ERBB4: variants seen among roughly 807,000 people sequenced by gnomAD.
The protein encoded by ERBB4 is receptor tyrosine-protein kinase erbB-4.
A neutral mutation model predicts 158.0 loss-of-function variants in ERBB4; 42 were observed. The ratio of observed to expected loss-of-function variants is 0.27; its 90% CI spans 0.21 to 0.34. The LOEUF is 0.34. Ranked by LOEUF, ERBB4 falls within the 10% of genes least tolerant of loss-of-function variation. The probability of loss-of-function intolerance (pLI) is 1.00; values close to 1 mark genes in which losing one functional copy is unlikely to be tolerated. For synonymous variants in ERBB4, 583 were observed against 558.7 expected (o/e 1.04, Z -0.61); for missense variants, 1,333 against 1,624.1 (o/e 0.82, Z 3.08).
chr2:212,102,426 A>C (rs563795053), intron 2 of ERBB4, among the ~76,000 whole-genome samples: 1 of 151,966 alleles, frequency 6.6e-6, no homozygotes, highest in Non-Finnish European at 1.5e-5. Flanking sequence ...TCATTTGTTG[A>C]TCATTTTCAT....
intron 3 of ERBB4, among the ~76,000 whole-genome samples, chr2:211,817,454 A>G (rs2076903750): frequency 1.3e-5 from 2 of 152,212 alleles, no homozygotes; most frequent in Admixed American, 6.5e-5. Context: ...TCAAATAACA[A>G]ACATATACAT....
intron 1 of ERBB4, among the ~76,000 whole-genome samples, chr2:212,408,942 A>T (rs13429255): frequency 1.3e-3 from 198 of 152,270 alleles, no homozygotes; most frequent in African/African-American, 4.5e-3. Flanking sequence ...GTAGTTTCTC[A>T]TATCAGCTAT....
intron 20 of ERBB4, among the ~76,000 whole-genome samples, chr2:211,445,375 G>A (rs1309397950): frequency 6.6e-6 from 1 of 152,118 alleles, no homozygotes; most frequent in Non-Finnish European, 1.5e-5. Context: ...CCTTACCAAT[G>A]AGGTTAAACC....
At chr2:211,633,439 G>GTGTGAATA (rs1325160710) in intron 16 of ERBB4, among the ~76,000 whole-genome samples, 1 of 148,644 alleles carries the variant, frequency 6.7e-6, no homozygotes, top group African/African-American at 2.5e-5. Flanking sequence ...TCTCTGGGTA[G>GTGTGAATA]TGTGAATACA....
intron 3 of ERBB4, among the ~76,000 whole-genome samples, chr2:211,901,281 T>C (rs1447524856): frequency 6.6e-6 from 1 of 152,192 alleles, no homozygotes; most frequent in Non-Finnish European, 1.5e-5. Context: ...GCATTTGCTC[T>C]CTTTTTAAAT....
chr2:212,052,973 C>CA, intron 2 of ERBB4, among the ~76,000 whole-genome samples: 1 of 152,188 alleles, frequency 6.6e-6, no homozygotes, highest in Admixed American at 6.5e-5. Context: ...GTGCCAGTAG[C>CA]AACGGGACCT....
intron 20 of ERBB4, among the ~76,000 whole-genome samples, chr2:211,559,662 C>G (rs1011539362): frequency 3.9e-5 from 6 of 152,162 alleles, no homozygotes; most frequent in African/African-American, 1.4e-4. Flanking sequence ...AAAATCTGAA[C>G]CACTGTATTC....
intron 1 of ERBB4, among the ~76,000 whole-genome samples, chr2:212,418,178 G>C (rs376586702): frequency 1.3e-5 from 2 of 151,900 alleles, no homozygotes; most frequent in African/African-American, 4.8e-5. Flanking sequence ...AGCCTGAGCA[G>C]ACCAAGACAG....
At chr2:211,549,289 C>A (rs2067019119) in intron 20 of ERBB4, among the ~76,000 whole-genome samples, 1 of 151,798 alleles carries the variant, frequency 6.6e-6, no homozygotes, top group African/African-American at 2.4e-5. Context: ...GAGGTGGGAA[C>A]ATAGAAAAGG....
At chr2:211,601,870 TATC>T in intron 19 of ERBB4, among the ~76,000 whole-genome samples, 1 of 152,188 alleles carries the variant, frequency 6.6e-6, no homozygotes, top group East Asian at 1.9e-4. Flanking sequence ...AGGAAATAAA[TATC>T]ATGTAATAAG....
chr2:211,571,342 C>T (rs2067723925), intron 19 of ERBB4, among the ~76,000 whole-genome samples: 1 of 152,028 alleles, frequency 6.6e-6, no homozygotes, highest in Non-Finnish European at 1.5e-5. Flanking sequence ...TTGTCAAAAA[C>T]ATATGGAATT....
At chr2:211,989,658 C>A (rs973293474) in intron 2 of ERBB4, among the ~76,000 whole-genome samples, 2 of 151,712 alleles carry the variant, frequency 1.3e-5, no homozygotes, top group Non-Finnish European at 2.9e-5. Context: ...TTAGGATCAC[C>A]CAGTAGGTGA....
chr2:212,200,675 G>T (rs926646999), intron 1 of ERBB4, among the ~76,000 whole-genome samples: 1 of 152,180 alleles, frequency 6.6e-6, no homozygotes, highest in African/African-American at 2.4e-5. Flanking sequence ...GTCAAAAAGT[G>T]TAAGAGAGTT....
chr2:211,577,821 A>G (rs1377202124), intron 19 of ERBB4, among the ~76,000 whole-genome samples: 1 of 152,190 alleles, frequency 6.6e-6, no homozygotes, highest in East Asian at 1.9e-4. Context: ...TCAAAATAAT[A>G]AGAGACATTT....
chr2:211,824,239 C>A (rs12475812), intron 3 of ERBB4, among the ~76,000 whole-genome samples: 127,244 of 151,988 alleles, frequency 0.84, 53,397 homozygotes, highest in Non-Finnish European at 0.86. Flanking sequence ...TAATTGCTTT[C>A]GAAAAACAGT....
At chr2:211,702,196 C>G (rs778316343) in intron 11 of ERBB4, 30 bp from the exon 12 acceptor site, 21 of 1,527,794 alleles carry the variant, frequency 1.4e-5, no homozygotes, top group Non-Finnish European at 1.8e-5. Context: ...AAAACGGAAC[C>G]ATGAAACGCA....
intron 19 of ERBB4, among the ~76,000 whole-genome samples, chr2:211,576,333 G>A (rs2067892330): frequency 6.6e-6 from 1 of 152,070 alleles, no homozygotes; most frequent in Admixed American, 6.6e-5. Context: ...TCTGCAAGAG[G>A]GCATCCAATT....
chr2:212,298,877 T>C (rs192166739), intron 1 of ERBB4, among the ~76,000 whole-genome samples: 29 of 151,776 alleles, frequency 1.9e-4, no homozygotes, highest in Non-Finnish European at 3.8e-4. Context: ...CTGGGAGGAA[T>C]AATTACCTCA....
intron 1 of ERBB4, among the ~76,000 whole-genome samples, chr2:212,512,498 T>C (rs1408135877): frequency 1.3e-5 from 2 of 152,028 alleles, no homozygotes; most frequent in Admixed American, 6.6e-5. Flanking sequence ...GTTTGCATGG[T>C]TTTTGTTTGT....
Sources: gnomAD v4.1 joint callset for allele counts (sites outside exome capture counted in the v4.1 genomes callset) on GRCh38, gnomAD v4.1.1 for gene constraint, MANE v1.5 for transcripts, NCBI Gene and HGNC (gene_info 2026-07-23, HGNC 2026-07-21) for gene names.